The following STOM variants were observed in gnomAD, a reference collection of about 807,000 sequenced individuals.
STOM encodes erythrocyte band 7 integral membrane protein.
STOM carries 25 observed loss-of-function variants against 30.6 expected under a neutral mutation model. The observed-to-expected ratio is 0.82, with a 90% CI of 0.60 to 1.14. The LOEUF (loss-of-function observed/expected upper bound fraction) is 1.14. STOM is among the 50% of genes most tolerant of loss of function. The probability of loss-of-function intolerance (pLI) is 0.00; values close to 1 mark genes in which losing one functional copy is unlikely to be tolerated. For synonymous variants in STOM, 118 were observed against 130.8 expected (o/e 0.90, Z 0.67); for missense variants, 292 against 365.2 (o/e 0.80, Z 1.63).
At chr9:121,355,979 C>T (rs1285477550) in intron 2 of STOM, 74 bp downstream of exon 2, 4 of 1,077,126 alleles carry the variant, frequency 3.7e-6, no homozygotes, top group Non-Finnish European at 5.6e-6. Flanking sequence ...CTCACATACA[C>T]ACAGGCACAC....
chr9:121,343,187 G>C (rs543611436), intron 6 of STOM, among the ~76,000 whole-genome samples: 39 of 152,102 alleles, frequency 2.6e-4, no homozygotes, highest in Non-Finnish European at 4.7e-4. Context: ...AAGAAGGAAA[G>C]GTATTAAGAC....
intron 6 of STOM, among the ~76,000 whole-genome samples, chr9:121,343,258 G>A (rs1432729312): frequency 6.6e-6 from 1 of 152,148 alleles, no homozygotes; most frequent in Admixed American, 6.5e-5. Context: ...CTTGAATCTT[G>A]AATAATTAAT....
At chr9:121,363,209 A>G (rs1300500394) in intron 1 of STOM, among the ~76,000 whole-genome samples, 1 of 152,178 alleles carries the variant, frequency 6.6e-6, no homozygotes, top group Non-Finnish European at 1.5e-5. Context: ...AAAACACTTC[A>G]TGTTGTAAAT....
In STOM at chr9:121,348,001, A is replaced by T. The variant is rs371483669; in HGVS notation, c.660+14T>A. 5.1e-6 allele frequency: 8 copies of T among 1,565,656 alleles called. No individual in the cohort carries two copies. The African/African-American group carries it at 8.2e-5, about 16-fold the overall frequency. On this transcript the variant is annotated intron_variant, in intron 6 of 6. Transcript: ENST00000286713. ...AAAACTCAGTAAGAAAAACAAGTTT[A>T]AAAAAAAAGTTACCTTGGCGCGGGC...
chr9:121,351,466 A>G (rs1440555210), intron 4 of STOM, among the ~76,000 whole-genome samples: 1 of 152,252 alleles, frequency 6.6e-6, no homozygotes, highest in Non-Finnish European at 1.5e-5. Context: ...AGAAGGCAAC[A>G]TGGCCAGGCT....
At position 121,354,673 on chromosome 9, in the gene STOM, T is replaced by C; in HGVS notation, c.166A>G (p.Ile56Val). 1 of 1,598,150 alleles carries C rather than the reference T, an allele frequency of 6.3e-7. No individual in the cohort carries two copies. Among genetic ancestry groups the C allele is most frequent in the Non-Finnish European group, 8.5e-7 (1 of 1,171,278 alleles). The change falls in exon 3 of 7, where the codon ATT becomes GTT. Residue 56 changes from isoleucine (I) to valine (V), a missense_variant and splice_region_variant. Physicochemically the swap from Ile to Val is conservative, Grantham distance 29 (BLOSUM62 3). Coordinates refer to ENST00000286713, the MANE Select transcript of STOM (RefSeq NM_004099.6). ...FPISIWMCIKIIKEYERAIIF... is the reference protein window; with the variant it reads ...FPISIWMCIKVIKEYERAIIF... ...ATGGCTCTTTCATACTCTTTTATAA[T>C]CTAGAATAAAAACATGAATAATAAT...
chr9:121,361,519 G>C (rs2064452319), intron 1 of STOM, among the ~76,000 whole-genome samples: 1 of 151,064 alleles, frequency 6.6e-6, no homozygotes, highest in Non-Finnish European at 1.5e-5. Context: ...CTCCCCAGTA[G>C]CTGGGACTAC....
In STOM at chr9:121,339,988, G is replaced by A; in HGVS notation, c.*1214C>T. ...TACCACAGTTAACAGCATGCAGATA[G>A]TAAAATATAATGGTTTCCTGAAGTT... On this transcript the variant is annotated 3_prime_UTR_variant, in exon 7 of 7. Coordinates refer to ENST00000286713, the MANE Select transcript of STOM (RefSeq NM_004099.6). 2 of 1,000,404 alleles carry A rather than the reference G, an allele frequency of 2.0e-6. No homozygotes were observed. The highest frequency in any genetic ancestry group is 2.4e-6 in the Non-Finnish European group (2 of 840,198). 62.0% of individuals were successfully genotyped at this position (1,000,404 alleles called of 1,614,324 possible).
In STOM at chr9:121,339,846, T is replaced by C; in HGVS notation, c.*1356A>G. The C allele has an allele frequency of 8.5e-7, 1 of 1,179,662 alleles. No homozygotes were observed. Among genetic ancestry groups the C allele is most frequent in the African/African-American group, 1.6e-5 (1 of 63,198 alleles). The allele number at this position is 1,179,662 out of a possible 1,614,324, so 73.1% of individuals were successfully genotyped here. A position where few individuals can be genotyped will look rare whatever the true frequency, so the allele number is the denominator to read the frequency against. On this transcript the variant is annotated 3_prime_UTR_variant, in exon 7 of 7. Transcript: ENST00000286713. ...AAATTTAAAAAGACCTACATCTATA[T>C]AGATATTGTAAGTTTGACAGTATCT...
At chr9:121,350,559 C>T (rs1399914076) in intron 4 of STOM, among the ~76,000 whole-genome samples, 1 of 152,198 alleles carries the variant, frequency 6.6e-6, no homozygotes, top group African/African-American at 2.4e-5. Flanking sequence ...ATGAGGAACA[C>T]AGCAGTGAGA....
intron 1 of STOM, among the ~76,000 whole-genome samples, chr9:121,358,895 C>A (rs1429195059): frequency 6.6e-6 from 1 of 152,092 alleles, no homozygotes; most frequent in Non-Finnish European, 1.5e-5. Context: ...TGTGGACTTC[C>A]TTCATCTGGT....
chr9:121,346,927 T>C (rs1464294938), intron 6 of STOM, among the ~76,000 whole-genome samples: 3 of 152,194 alleles, frequency 2.0e-5, no homozygotes, highest in African/African-American at 7.2e-5. Context: ...TAACAACAAA[T>C]TGGTTTGCTC....
intron 4 of STOM, 99 bp downstream of exon 4, chr9:121,353,121 A>G (rs1431906843): frequency 5.6e-6 from 3 of 532,592 alleles, no homozygotes; most frequent in Non-Finnish European, 8.9e-6. Context: ...ACAAAAATTT[A>G]AAATAAATAA....
chr9:121,349,132 T>G lies in STOM; in HGVS notation c.513A>C (p.Ala171=). ...SQILSDREEI[A]HNMQSTLDDA... is the part of the protein sequence containing the mutation. ...ACGTACTCCCCACCTGCATGTTGTG[T>G]GCAATTTCTTCTCTGTCAGAGAGGA... The change falls in exon 5 of 7, where the codon GCA becomes GCC. Residue 171 remains alanine (A), a synonymous_variant. Transcript: ENST00000286713. The G allele has an allele frequency of 6.2e-7, 1 of 1,614,140 alleles. No individual in the cohort carries two copies.
At chr9:121,364,713 G>A (rs897457210) in intron 1 of STOM, among the ~76,000 whole-genome samples, 1 of 152,074 alleles carries the variant, frequency 6.6e-6, no homozygotes, top group Non-Finnish European at 1.5e-5. Flanking sequence ...GCATTCAAAT[G>A]TTTCAGGCCA....
At chr9:121,356,292 C>A in intron 1 of STOM, 136 bp from the exon 2 acceptor site, 1 of 651,224 alleles carries the variant, frequency 1.5e-6, no homozygotes. Context: ...CCCATCTAAT[C>A]CTCATACAGC....
chr9:121,349,992 T>C (rs2064324701), intron 4 of STOM, among the ~76,000 whole-genome samples: 2 of 152,264 alleles, frequency 1.3e-5, no homozygotes, highest in African/African-American at 4.8e-5. Context: ...AGATTAATTA[T>C]AGTACCTACT....
In STOM at chr9:121,341,039, A is replaced by G. The variant is rs1690299480; in HGVS notation, c.*163T>C. 1 of 1,447,458 alleles carries G rather than the reference A, an allele frequency of 6.9e-7. No homozygotes were observed. Among genetic ancestry groups the G allele is most frequent in the South Asian group, 1.5e-5 (1 of 67,796 alleles). The allele number at this position is 1,447,458 out of a possible 1,614,324, so 89.7% of individuals were successfully genotyped here. A position where few individuals can be genotyped will look rare whatever the true frequency, so the allele number is the denominator to read the frequency against. Reference sequence around the variant, plus strand: ...TTATATAAATCACCAATCTCTCAGTATTTACAAGCTAACAATTCTTTCACC... The same window carrying G: ...TTATATAAATCACCAATCTCTCAGTGTTTACAAGCTAACAATTCTTTCACC... On this transcript the variant is annotated 3_prime_UTR_variant, in exon 7 of 7. Transcript: ENST00000286713.
At chr9:121,345,218 C>A (rs558635299) in intron 6 of STOM, among the ~76,000 whole-genome samples, 1 of 152,126 alleles carries the variant, frequency 6.6e-6, no homozygotes, top group Admixed American at 6.6e-5. Flanking sequence ...ATAGGGTATA[C>A]AAATGTTCAG....
Sources: allele counts gnomAD v4.1 joint callset (sites outside exome capture counted in the v4.1 genomes callset), GRCh38; gene constraint gnomAD v4.1.1; transcripts MANE v1.5; gene names NCBI Gene and HGNC (gene_info 2026-07-23, HGNC 2026-07-21).